Variants in CSMD3 observed in about 807,000 individuals in gnomAD.
The protein encoded by CSMD3 is CUB and Sushi multiple domains 3.
A neutral mutation model predicts 435.2 loss-of-function variants in CSMD3; 177 were observed. That is an observed-to-expected ratio of 0.41 (90% CI 0.36 to 0.46). The LOEUF (loss-of-function observed/expected upper bound fraction) is 0.46. CSMD3 is among the 20% of genes least tolerant of loss of function. The pLI, the probability that CSMD3 is intolerant of heterozygous loss-of-function variation, is 0.34. For synonymous variants in CSMD3, 1,656 were observed against 1,520.5 expected (o/e 1.09, Z -2.07); for missense variants, 4,265 against 4,504.6 (o/e 0.95, Z 1.52).
chr8:112,412,360 CCG>C (rs1811443085), intron 32 of CSMD3, among the ~76,000 whole-genome samples: 3 of 64,340 alleles, frequency 4.7e-5, no homozygotes, highest in Admixed American at 1.2e-4. Context: ...TTAACAAGCT[CCG>C]TGGTGGTCTG....
chr8:112,973,222 A>C (rs1564165529), intron 7 of CSMD3, among the ~76,000 whole-genome samples: 1 of 151,930 alleles, frequency 6.6e-6, no homozygotes, highest in Non-Finnish European at 1.5e-5. Flanking sequence ...TTTATTTGTA[A>C]AAGTTCATTT....
At chr8:112,889,108 T>C (rs2081701873) in intron 10 of CSMD3, among the ~76,000 whole-genome samples, 1 of 151,654 alleles carries the variant, frequency 6.6e-6, no homozygotes, top group Non-Finnish European at 1.5e-5. Context: ...AAAAGGAAAG[T>C]TAAGCATGCC....
chr8:113,434,782 A>G (rs1563818536), intron 1 of CSMD3, among the ~76,000 whole-genome samples: 2 of 152,178 alleles, frequency 1.3e-5, no homozygotes, highest in African/African-American at 2.4e-5. Context: ...TCATTCGGAA[A>G]ATACGGTAGG....
rs932893043 is a variant in CSMD3 at position 113,359,366 on chromosome 8, G to C, written c.179-44573C>G. ...AGACTGCCAAAATCATAGGCAAGTAGGTGGGTGGTTTAATTGTGTAGTAAA... is the reference window on the plus strand; with the variant it reads ...AGACTGCCAAAATCATAGGCAAGTACGTGGGTGGTTTAATTGTGTAGTAAA... On this transcript the variant is annotated intron_variant, in intron 1 of 70. Transcript: ENST00000297405. 2.0e-5 allele frequency among the ~76,000 whole-genome samples: 3 copies of C among 152,184 alleles called. No homozygotes were observed. The South Asian group carries it at 6.2e-4, about 32-fold the overall frequency.
chr8:113,155,155 G>C (rs2131808414), intron 4 of CSMD3, among the ~76,000 whole-genome samples: 1 of 152,116 alleles, frequency 6.6e-6, no homozygotes. Context: ...AGCTATTACT[G>C]AAGTGTGAAA....
At chr8:112,839,864 A>G (rs2132525276) in intron 11 of CSMD3, among the ~76,000 whole-genome samples, 1 of 151,870 alleles carries the variant, frequency 6.6e-6, no homozygotes, top group South Asian at 2.1e-4. Flanking sequence ...TATATAATGA[A>G]CCATGCAATG....
intron 12 of CSMD3, among the ~76,000 whole-genome samples, chr8:112,809,899 T>C (rs942829772): frequency 4.6e-5 from 7 of 152,214 alleles, no homozygotes; most frequent in African/African-American, 1.7e-4. Context: ...AATGTAATCA[T>C]TGAAGGAGGT....
intron 39 of CSMD3, 40 bp downstream of exon 39, chr8:112,352,376 G>A (rs775759979): frequency 7.5e-6 from 12 of 1,610,464 alleles, no homozygotes; most frequent in Non-Finnish European, 9.3e-6. Context: ...ATTCTGAAAG[G>A]GCCATGAAAA....
chr8:112,813,884 G>A (rs570596414), intron 12 of CSMD3, among the ~76,000 whole-genome samples: 5 of 152,150 alleles, frequency 3.3e-5, no homozygotes, highest in South Asian at 4.1e-4. Flanking sequence ...TGAATCCCAC[G>A]TTGCCATCCT....
intron 2 of CSMD3, among the ~76,000 whole-genome samples, chr8:113,286,605 G>C (rs1198401268): frequency 6.6e-6 from 1 of 151,688 alleles, no homozygotes; most frequent in Non-Finnish European, 1.5e-5. Context: ...AATGATACCT[G>C]TCTCACTATC....
intron 69 of CSMD3, among the ~76,000 whole-genome samples, chr8:112,230,116 A>T (rs987225368): frequency 6.6e-6 from 1 of 152,202 alleles, no homozygotes; most frequent in Non-Finnish European, 1.5e-5. Flanking sequence ...ACATTTGCAC[A>T]GGAATGAGGG....
intron 1 of CSMD3, among the ~76,000 whole-genome samples, chr8:113,385,958 T>G (rs2094437382): frequency 6.6e-6 from 1 of 152,202 alleles, no homozygotes; most frequent in South Asian, 2.1e-4. Flanking sequence ...TAAATTTTAT[T>G]TGGGGACATT....
intron 27 of CSMD3, among the ~76,000 whole-genome samples, chr8:112,528,194 T>C (rs958238453): frequency 6.6e-6 from 1 of 152,134 alleles, no homozygotes; most frequent in Non-Finnish European, 1.5e-5. Flanking sequence ...TAGCAGTTTA[T>C]ACATACTCCT....
intron 9 of CSMD3, 97 bp from the exon 10 acceptor site, chr8:112,921,848 AC>A: frequency 1.1e-6 from 1 of 895,036 alleles, no homozygotes; most frequent in African/African-American, 1.7e-5. Flanking sequence ...TCAAATATGT[AC>A]TATAGTGACA....
At chr8:112,921,789 GA>G in intron 9 of CSMD3, 38 bp from the exon 10 acceptor site, 1 of 1,528,040 alleles carries the variant, frequency 6.5e-7, no homozygotes, top group Non-Finnish European at 9.1e-7. Flanking sequence ...TGATAAGAAA[GA>G]TGCAACATAA....
chr8:112,795,082 TTA>T (rs927893214), intron 13 of CSMD3, among the ~76,000 whole-genome samples: 7 of 152,162 alleles, frequency 4.6e-5, no homozygotes, highest in African/African-American at 1.4e-4. Flanking sequence ...CATGTAACTT[TTA>T]TGTTTGTTAT....
intron 32 of CSMD3, among the ~76,000 whole-genome samples, chr8:112,446,450 C>T (rs1297867342): frequency 6.6e-6 from 1 of 152,126 alleles, no homozygotes; most frequent in Non-Finnish European, 1.5e-5. Flanking sequence ...AAATAGGCAG[C>T]CAAGTAATTC....
chr8:112,301,000 G>T (rs1820871053), intron 53 of CSMD3, among the ~76,000 whole-genome samples: 1 of 151,984 alleles, frequency 6.6e-6, no homozygotes, highest in Non-Finnish European at 1.5e-5. Flanking sequence ...TAAACAAAAA[G>T]ATCTTGCCTT....
Position 112,601,947 on chromosome 8 carries a change from C to T in CSMD3, c.3716-14712G>A, listed in dbSNP as rs535936805. ...ATTTTTCTATTTATAGATTGAAATA[C>T]AAGTTTCAGGTTAAGCATAACGTTA... On this transcript the variant is annotated intron_variant, in intron 22 of 70. Coordinates refer to ENST00000297405, the MANE Select transcript of CSMD3 (RefSeq NM_198123.2). 5.5e-4 allele frequency among the ~76,000 whole-genome samples: 83 copies of T among 152,218 alleles called. 1 individual carries two copies. In the South Asian group the frequency reaches 7.7e-3, roughly 14 times the overall value.
Sources: allele counts gnomAD v4.1 joint callset (sites outside exome capture counted in the v4.1 genomes callset), GRCh38; gene constraint gnomAD v4.1.1; transcripts MANE v1.5; gene names NCBI Gene and HGNC (gene_info 2026-07-23, HGNC 2026-07-21).